The following SLC25A48 variants were observed in gnomAD, a reference collection of about 807,000 sequenced individuals.
The protein encoded by SLC25A48 is solute carrier family 25 member 48, also known as CTC-321K16.1.
Under a neutral mutation model 32.2 loss-of-function variants are expected in SLC25A48, and 29 were observed. The ratio of observed to expected loss-of-function variants is 0.90; its 90% CI spans 0.67 to 1.23. The LOEUF is 1.23. Among genes scored for constraint, SLC25A48 ranks in the 50% most tolerant of loss-of-function variants. The pLI is 0.00. For missense variants in SLC25A48, 399 were observed against 422.7 expected (o/e 0.94, Z 0.49); for synonymous variants, 164 against 172.3 (o/e 0.95, Z 0.38).
At position 135,774,703 on chromosome 5, in the gene SLC25A48, G is replaced by T. The variant is rs1756502722; in HGVS notation, c.-520-37820G>T. ...CTGTACTATTGTTCCCAATATAAGGGGGTAAGAGGATAATATTACTCCCAA... is the reference window on the plus strand; with the variant it reads ...CTGTACTATTGTTCCCAATATAAGGTGGTAAGAGGATAATATTACTCCCAA... On this transcript the variant is annotated intron_variant, in intron 3 of 10. Transcript: ENST00000646290. Among the ~76,000 whole-genome samples the T allele has an allele frequency of 4.6e-5, 7 of 151,340 alleles. No individual in the cohort carries two copies. In the South Asian group the frequency reaches 1.5e-3, roughly 32 times the overall value.
At chr5:135,842,248 G>A (rs370666700) in intron 1 of SLC25A48, among the ~76,000 whole-genome samples, 168 bp from the exon 2 acceptor site, 1 of 151,988 alleles carries the variant, frequency 6.6e-6, no homozygotes, top group Non-Finnish European at 1.5e-5. Flanking sequence ...TATTTTCTCT[G>A]CCTTCCTTGG....
intron 1 of SLC25A48, among the ~76,000 whole-genome samples, chr5:135,836,329 A>G (rs1421761500): frequency 6.8e-6 from 1 of 147,380 alleles, no homozygotes; most frequent in Non-Finnish European, 1.5e-5. Flanking sequence ...AAAAATCGCA[A>G]TTACTTTTGC....
intron 1 of SLC25A48, among the ~76,000 whole-genome samples, chr5:135,580,270 G>T (rs1291740302): frequency 6.6e-6 from 1 of 152,192 alleles, no homozygotes; most frequent in Admixed American, 6.5e-5. Context: ...GGACCACTCT[G>T]TTGCTTTGAG....
chr5:135,588,432 T>C (rs1202335102), intron 1 of SLC25A48, among the ~76,000 whole-genome samples: 1 of 152,216 alleles, frequency 6.6e-6, no homozygotes, highest in East Asian at 1.9e-4. Context: ...GTTGAGCCCT[T>C]GCTGAGTGCC....
chr5:135,769,670 G>T (rs1756349627), intron 3 of SLC25A48, among the ~76,000 whole-genome samples: 1 of 151,542 alleles, frequency 6.6e-6, no homozygotes, highest in Non-Finnish European at 1.5e-5. Context: ...ATATCGCAGG[G>T]GTTGTACACC....
chr5:135,767,195 C>CCCA (rs1554073160), intron 3 of SLC25A48, among the ~76,000 whole-genome samples: 1 of 150,966 alleles, frequency 6.6e-6, no homozygotes, highest in Non-Finnish European at 1.5e-5. Context: ...ACACCCCCCC[C>CCCA]CCGTGATATG....
intron 3 of SLC25A48, among the ~76,000 whole-genome samples, chr5:135,662,008 G>T (rs942532139): frequency 3.3e-5 from 5 of 152,106 alleles, no homozygotes; most frequent in Non-Finnish European, 7.3e-5. Context: ...TTGATAGGTG[G>T]TGCCCTATGA....
intron 2 of SLC25A48, among the ~76,000 whole-genome samples, chr5:135,633,161 G>C (rs149628513): frequency 1.3e-5 from 2 of 152,206 alleles, no homozygotes; most frequent in Admixed American, 1.3e-4. Flanking sequence ...TATTTTTATA[G>C]GTTTCTTGAA....
chr5:135,781,491 A>T (rs1385671408), intron 3 of SLC25A48, among the ~76,000 whole-genome samples: 2 of 117,342 alleles, frequency 1.7e-5, no homozygotes, highest in African/African-American at 5.2e-5. Flanking sequence ...TATTTTTCCC[A>T]ATATTGCAGA....
intron 1 of SLC25A48, among the ~76,000 whole-genome samples, chr5:135,600,618 C>T (rs940228003): frequency 5.3e-5 from 8 of 152,110 alleles, no homozygotes; most frequent in African/African-American, 1.9e-4. Context: ...ACTGTTGTGT[C>T]CTCAGAACCA....
intron 3 of SLC25A48, among the ~76,000 whole-genome samples, chr5:135,759,014 T>C (rs1396054423): frequency 6.6e-6 from 1 of 151,738 alleles, no homozygotes; most frequent in African/African-American, 2.4e-5. Context: ...ATCTATGGTA[T>C]GAATAATATC....
rs755936227 is a variant in SLC25A48 at position 135,834,816 on chromosome 5, C to T, written c.-32C>T. ...CACTGACTCTAAGTGGGCACTGCCC[C>T]GGCTCCGGGAGGGCGAGACCGAGCG... On this transcript the variant is annotated 5_prime_UTR_variant, in exon 1 of 8. Transcript: ENST00000681962. 3 of 1,570,884 alleles carry T rather than the reference C, an allele frequency of 1.9e-6. No homozygotes were observed. The highest frequency in any genetic ancestry group is 2.4e-5 in the South Asian group (2 of 84,192).
intron 4 of SLC25A48, 107 bp from the exon 5 acceptor site, chr5:135,871,354 C>G: frequency 7.4e-7 from 1 of 1,343,798 alleles, no homozygotes; most frequent in Non-Finnish European, 1.0e-6. Flanking sequence ...AGCTGATGGG[C>G]TACATGAGAG....
intron 3 of SLC25A48, among the ~76,000 whole-genome samples, chr5:135,774,750 C>T (rs998663577): frequency 6.6e-6 from 1 of 151,550 alleles, no homozygotes; most frequent in Non-Finnish European, 1.5e-5. Context: ...GTGTACACCC[C>T]CCCCGTGATA....
intron 3 of SLC25A48, among the ~76,000 whole-genome samples, chr5:135,742,269 C>T (rs1755516942): frequency 6.6e-6 from 1 of 152,108 alleles, no homozygotes; most frequent in African/African-American, 2.4e-5. Flanking sequence ...TTAGTAGAGA[C>T]AGGATTTTGC....
At chr5:135,874,877 C>T (rs988901435) in intron 6 of SLC25A48, 1 of 491,222 alleles carries the variant, frequency 2.0e-6, no homozygotes, top group African/African-American at 2.0e-5. Context: ...TCCTTGCTTT[C>T]TTGGTGTGGC....
chr5:135,617,239 C>G (rs568411624), intron 1 of SLC25A48, among the ~76,000 whole-genome samples: 28 of 152,004 alleles, frequency 1.8e-4, no homozygotes, highest in Admixed American at 1.7e-3. Flanking sequence ...TCTAGTTTGT[C>G]AATATATAGT....
intron 4 of SLC25A48, among the ~76,000 whole-genome samples, chr5:135,861,952 G>C (rs1454764086): frequency 6.6e-6 from 1 of 152,214 alleles, no homozygotes; most frequent in Non-Finnish European, 1.5e-5. Flanking sequence ...TTCTCCTGGG[G>C]CCTCTGCCAC....
chr5:135,664,113 G>A lies in SLC25A48; in HGVS notation c.-521+29157G>A, dbSNP rs115956856. Among the ~76,000 whole-genome samples the A allele has an allele frequency of 8.8e-3, 1,337 of 152,286 alleles. 19 individuals are homozygous for A. The highest frequency in any genetic ancestry group is 0.03 in the African/African-American group (1,254 of 41,560). ...CCCATTGCCCACTGAATAAAATTTA[G>A]GTTCTTCAGTTCTCTGCAGAACCAT... On this transcript the variant is annotated intron_variant, in intron 3 of 10. Transcript: ENST00000646290.
Sources: allele counts gnomAD v4.1 joint callset (sites outside exome capture counted in the v4.1 genomes callset), GRCh38; gene constraint gnomAD v4.1.1; transcripts MANE v1.5; gene names NCBI Gene and HGNC (gene_info 2026-07-23, HGNC 2026-07-21).